GRIN2D: variants seen among roughly 807,000 people sequenced by gnomAD.
The protein encoded by GRIN2D is glutamate receptor ionotropic, NMDA 2D.
GRIN2D carries 37 observed loss-of-function variants against 103.2 expected under a neutral mutation model. That is an observed-to-expected ratio of 0.36 (90% CI 0.28 to 0.47). The LOEUF is 0.47. Ranked by LOEUF, GRIN2D falls within the 20% of genes least tolerant of loss-of-function variation. GRIN2D has a pLI of 1.00. For missense variants in GRIN2D, 1,557 were observed against 1,910.6 expected, an observed-to-expected ratio of 0.81 and a Z score of 3.45; for synonymous variants, 845 against 885.6, an observed-to-expected ratio of 0.95 and a Z score of 0.81.
Position 48,443,045 on chromosome 19 carries a change from C to T in GRIN2D, c.3119C>T (p.Ala1040Val). ...GCGCCCCCCGCCGCCGCGGCCACCG[C>T]CGTCGGGCCGCCACTCTGCCGCTTG... ...PPAPPAAAATAVGPPLCRLAF... is the reference protein window; with the variant it reads ...PPAPPAAAATVVGPPLCRLAF... Residue 1040 changes from alanine (A) to valine (V), a missense_variant, in exon 14 of 14, where the codon GCC becomes GTC. Ala to Val is a moderately conservative substitution (Grantham distance 64). This residue lies in a region of GRIN2D where 632 missense variants were observed against 572.8 expected (regional missense o/e 1.10). Coordinates refer to ENST00000263269, the MANE Select transcript of GRIN2D (RefSeq NM_000836.4). The surrounding 1 kb of genome is among the most constrained non-coding windows in gnomAD (Gnocchi z 8.9). 1 of 1,042,532 alleles carries T rather than the reference C, an allele frequency of 9.6e-7. No individual in the cohort carries two copies. The allele number at this position is 1,042,532 out of a possible 1,614,324, so 64.6% of individuals were successfully genotyped here.
At position 48,414,426 on chromosome 19, in the gene GRIN2D, C is replaced by A. The variant is rs1202102829; in HGVS notation, c.1254C>A (p.Arg418=). The A allele has an allele frequency of 8.1e-6, 13 of 1,610,088 alleles. No homozygotes were observed. The highest frequency in any genetic ancestry group is 1.1e-5 in the Non-Finnish European group (13 of 1,178,402). The change falls in exon 6 of 14, where the codon CGC becomes CGA. Residue 418 remains arginine (R), a synonymous_variant. Transcript: ENST00000263269. This position sits in a 1 kb window ranked among gnomAD's most constrained non-coding sequence, Gnocchi z 4.6. ...TLRLKYPLWS[R]YGRFLQPVDD... ...GCCTCAAGTACCCGCTGTGGTCCCG[C>A]TATGGTCGCTTCCTGCAGCCAGTGG...
In GRIN2D at chr19:48,440,626, T is replaced by C. The variant is rs539390095; in HGVS notation, c.2253-1143T>C. Among the ~76,000 whole-genome samples the C allele has an allele frequency of 1.1e-4, 16 of 152,110 alleles. No homozygotes were observed. The South Asian group carries it at 2.9e-3, about 28-fold the overall frequency. On this transcript the variant is annotated intron_variant, in intron 11 of 13. Coordinates refer to ENST00000263269, the MANE Select transcript of GRIN2D (RefSeq NM_000836.4). The stretch of plus-strand genomic sequence containing the variant: ...AAAAAAAAAGTGTCCTTAGACTAGA[T>C]AGAACAATGCTTGGCACAATATAAC...
chr19:48,402,148 GAA>G lies in GRIN2D; in HGVS notation c.466-2584_466-2583del, dbSNP rs1465843548. Among the ~76,000 whole-genome samples the G allele has an allele frequency of 1.4e-3, 196 of 139,744 alleles. 1 individual carries two copies. Among genetic ancestry groups the G allele is most frequent in the East Asian group, 8.5e-3 (43 of 5,084 alleles). 91.7% of individuals were successfully genotyped at this position (139,744 alleles called of 152,430 possible). On this transcript the variant is annotated intron_variant, in intron 3 of 13. Transcript: ENST00000263269. Reference sequence around the variant, plus strand: ...AGAAAGAAAGAAAGAAAGAAAGAAAGAAAGAAAGAAAGAAAGAAAGAGAGAAA... The same window carrying G: ...AGAAAGAAAGAAAGAAAGAAAGAAAGAGAAAGAAAGAAAGAAAGAGAGAAA...
In GRIN2D at chr19:48,419,515, CTTTTT is replaced by C. The variant is rs11302654; in HGVS notation, c.1862-61_1862-57del. On this transcript the variant is annotated intron_variant, in intron 9 of 13. Coordinates refer to ENST00000263269, the MANE Select transcript of GRIN2D (RefSeq NM_000836.4). ...GGGCCACTGGGAATTGTAGTTCTTTCTTTTTTTTTTTTTCCCTTCCTTATTGAGAA... is the reference window on the plus strand; with the variant it reads ...GGGCCACTGGGAATTGTAGTTCTTTCTTTTTTTTCCCTTCCTTATTGAGAA... 9 of 1,182,666 alleles carry C rather than the reference CTTTTT, an allele frequency of 7.6e-6. No homozygotes were observed. In the Admixed American group the frequency reaches 1.4e-4, roughly 18 times the overall value. The allele number at this position is 1,182,666 out of a possible 1,614,324, so 73.3% of individuals were successfully genotyped here. A position where few individuals can be genotyped will look rare whatever the true frequency, so the allele number is the denominator to read the frequency against.
chr19:48,428,616 G>T (rs920433549), intron 11 of GRIN2D, among the ~76,000 whole-genome samples: 23 of 151,912 alleles, frequency 1.5e-4, no homozygotes, highest in Non-Finnish European at 3.1e-4. Context: ...GCCTGCCACG[G>T]CCTCCCAAAG....
At chr19:48,400,185 G>C (rs373355569) in intron 3 of GRIN2D, among the ~76,000 whole-genome samples, 2 of 152,104 alleles carry the variant, frequency 1.3e-5, no homozygotes, top group African/African-American at 2.4e-5. Flanking sequence ...TGGTAGAGAA[G>C]GAGAGAATTG....
At chr19:48,403,601 C>T (rs1970745179) in intron 3 of GRIN2D, among the ~76,000 whole-genome samples, 1 of 152,042 alleles carries the variant, frequency 6.6e-6, no homozygotes, top group Admixed American at 6.6e-5. Context: ...GAGAAGAGAA[C>T]AGTAAGGCAC....
intron 3 of GRIN2D, among the ~76,000 whole-genome samples, chr19:48,401,524 G>A (rs1406236611): frequency 6.6e-6 from 1 of 152,172 alleles, no homozygotes; most frequent in Admixed American, 6.5e-5. Flanking sequence ...CAACAACAAA[G>A]GACAAAGCCC....
chr19:48,424,055 G>A lies in GRIN2D; in HGVS notation c.2252+2110G>A, dbSNP rs1050487496. On this transcript the variant is annotated intron_variant, in intron 11 of 13. Coordinates refer to ENST00000263269, the MANE Select transcript of GRIN2D (RefSeq NM_000836.4). ...GCTGGTCTTGAACTCCTGACATGAG[G>A]TGATCTGCCTGCCTCAGCCTCCCAA... is the stretch of plus-strand genomic sequence containing the variant. Among the ~76,000 whole-genome samples, 76 of 152,058 alleles carry A rather than the reference G, an allele frequency of 5.0e-4. 1 individual carries two copies. Among genetic ancestry groups the A allele is most frequent in the African/African-American group, 1.8e-3 (76 of 41,496 alleles).
In GRIN2D at chr19:48,415,038, G is replaced by A. The variant is rs575224079; in HGVS notation, c.1581+6G>A. Reference sequence around the variant, plus strand: ...GGAACGGCATGATCGGGGAGGTGAGGGGGCGGACGGGAGGCGGGGAATCTT... The same window carrying A: ...GGAACGGCATGATCGGGGAGGTGAGAGGGCGGACGGGAGGCGGGGAATCTT... On this transcript the variant is annotated splice_donor_region_variant and intron_variant, in intron 7 of 13. Coordinates refer to ENST00000263269, the MANE Select transcript of GRIN2D (RefSeq NM_000836.4). The A allele has an allele frequency of 4.5e-6, 7 of 1,571,662 alleles. No individual in the cohort carries two copies. In the African/African-American group the frequency reaches 9.5e-5, roughly 21 times the overall value.
In GRIN2D at chr19:48,442,614, C is replaced by T. The variant is rs914728533; in HGVS notation, c.2688C>T (p.Cys896=). ...CGGACCCGCAGGGCATGTACAGCTG[C>T]TGCAGCGCTGAGGCCGCCCCACCGC... ...LLAFSRGMYS[C]CSAEAAPPPA... Residue 896 remains cysteine (C), a synonymous_variant, in exon 14 of 14, where the codon TGC becomes TGT. Transcript: ENST00000263269. This position sits in a 1 kb window ranked among gnomAD's most constrained non-coding sequence, Gnocchi z 7.2. 1.3e-6 allele frequency: 2 copies of T among 1,511,318 alleles called. No individual in the cohort carries two copies. Among genetic ancestry groups the T allele is most frequent in the Admixed American group, 2.0e-5 (1 of 49,246 alleles). The allele number at this position is 1,511,318 out of a possible 1,614,324, so 93.6% of individuals were successfully genotyped here.
At chr19:48,420,425 C>T (rs992148494) in intron 10 of GRIN2D, among the ~76,000 whole-genome samples, 1 of 151,756 alleles carries the variant, frequency 6.6e-6, no homozygotes, top group African/African-American at 2.4e-5. Flanking sequence ...TAGACTCTGT[C>T]TCAAAAAAAC....
At chr19:48,395,737 TG>T (rs548565107) in intron 2 of GRIN2D, among the ~76,000 whole-genome samples, 1 of 151,426 alleles carries the variant, frequency 6.6e-6, no homozygotes, top group African/African-American at 2.4e-5. Flanking sequence ...CAGAGCTCGG[TG>T]GGGGGGCACC....
chr19:48,416,168 C>T lies in GRIN2D; in HGVS notation c.1735+13C>T, dbSNP rs762424749. The T allele has an allele frequency of 1.2e-6, 2 of 1,612,750 alleles. No homozygotes were observed. Among genetic ancestry groups the T allele is most frequent in the South Asian group, 1.1e-5 (1 of 91,050 alleles). On this transcript the variant is annotated intron_variant, in intron 8 of 13. Coordinates refer to ENST00000263269, the MANE Select transcript of GRIN2D (RefSeq NM_000836.4). ...TCGGCCTTCCTCGGTAATCTGGGGC[C>T]CTGGGACAGGGAGCTAGCCCTAGGC...
At chr19:48,406,950 C>CT (rs760502905) in intron 4 of GRIN2D, among the ~76,000 whole-genome samples, 7 of 151,472 alleles carry the variant, frequency 4.6e-5, no homozygotes, top group Non-Finnish European at 8.8e-5. Context: ...CTGGTTCTTT[C>CT]TTTTTTTCTT....
intron 4 of GRIN2D, among the ~76,000 whole-genome samples, chr19:48,408,106 G>T (rs896778007): frequency 6.6e-6 from 1 of 151,950 alleles, no homozygotes; most frequent in African/African-American, 2.4e-5. Flanking sequence ...AGGCCGAGGC[G>T]GGCGGATCAC....
chr19:48,411,985 G>A (rs1215716750), intron 4 of GRIN2D, among the ~76,000 whole-genome samples: 1 of 151,640 alleles, frequency 6.6e-6, no homozygotes, highest in African/African-American at 2.4e-5. Flanking sequence ...TTGAACTCAG[G>A]AGTTCAAGAC....
intron 8 of GRIN2D, among the ~76,000 whole-genome samples, chr19:48,417,789 C>T (rs1428899482): frequency 1.3e-5 from 2 of 152,140 alleles, no homozygotes; most frequent in African/African-American, 2.4e-5. Context: ...CTTGCTGTGA[C>T]GGGGGCAGTC....
chr19:48,430,818 T>TTTC (rs1253490235), intron 11 of GRIN2D, among the ~76,000 whole-genome samples: 1 of 149,534 alleles, frequency 6.7e-6, no homozygotes, highest in Non-Finnish European at 1.5e-5. Flanking sequence ...TTTTTTCTTT[T>TTTC]TTCTTTTTTT....
Sources: allele counts gnomAD v4.1 joint callset (sites outside exome capture counted in the v4.1 genomes callset), GRCh38; gene constraint gnomAD v4.1.1; regional missense constraint gnomAD v4.1.1; non-coding constraint Gnocchi (gnomAD v3.1); transcripts MANE v1.5; gene names NCBI Gene and HGNC (gene_info 2026-07-23, HGNC 2026-07-21).